The following ADCY10 variants were observed in gnomAD, a reference collection of about 807,000 sequenced individuals.
ADCY10 encodes adenylate cyclase 10.
ADCY10 carries 156 observed loss-of-function variants against 183.3 expected under a neutral mutation model. The ratio of observed to expected loss-of-function variants is 0.85; its 90% CI spans 0.75 to 0.97. The LOEUF is 0.97. ADCY10 is among the 50% of genes least tolerant of loss of function. The probability of loss-of-function intolerance (pLI) is 0.00; values close to 1 mark genes in which losing one functional copy is unlikely to be tolerated. For synonymous variants in ADCY10, 645 were observed against 670.0 expected (o/e 0.96, Z 0.58); for missense variants, 1,745 against 1,934.3 (o/e 0.90, Z 1.84).
Position 167,845,513 on chromosome 1 carries a change from T to C in ADCY10, c.3007+50A>G, listed in dbSNP as rs201389908. On this transcript the variant is annotated intron_variant, in intron 21 of 32. Transcript: ENST00000367851. Reference sequence around the variant, plus strand: ...CACCCACTCCTTCTAGATCTTAGTCTCTAGATTTCCCAAGAACAGTTAGGA... The same window carrying C: ...CACCCACTCCTTCTAGATCTTAGTCCCTAGATTTCCCAAGAACAGTTAGGA... The C allele has an allele frequency of 7.7e-5, 122 of 1,594,470 alleles. No homozygotes were observed. The East Asian group carries it at 2.7e-3, about 35-fold the overall frequency.
At chr1:167,900,786 C>A (rs902255965) in intron 5 of ADCY10, among the ~76,000 whole-genome samples, 1 of 152,190 alleles carries the variant, frequency 6.6e-6, no homozygotes, top group Non-Finnish European at 1.5e-5. Context: ...CCCACCTTGG[C>A]CTCCCAAAGT....
rs959731464 is a variant in ADCY10, at chr1:167,841,942, T to C, written c.3007+3621A>G. 2.0e-5 allele frequency among the ~76,000 whole-genome samples: 3 copies of C among 152,352 alleles called. No homozygotes were observed. In the South Asian group the frequency reaches 6.2e-4, roughly 32 times the overall value. ...ATGCTGAATGAAAGTTCAACATATC[T>C]GTAGAAGATAAAGGAGTGAGAAGAG... On this transcript the variant is annotated intron_variant, in intron 21 of 32. Transcript: ENST00000367851.
intron 8 of ADCY10, among the ~76,000 whole-genome samples, chr1:167,887,919 G>T (rs1230648618): frequency 1.3e-5 from 2 of 152,010 alleles, no homozygotes; most frequent in Admixed American, 1.3e-4. Flanking sequence ...GTAGTTTCAT[G>T]GTTTGATGTC....
intron 8 of ADCY10, 68 bp downstream of exon 8, chr1:167,893,783 TAA>T: frequency 1.9e-6 from 2 of 1,079,428 alleles, no homozygotes; most frequent in Admixed American, 3.8e-5. Context: ...TTTTTTTTCT[TAA>T]ATCTTAAAAT....
chr1:167,873,676 C>T (rs764930109), intron 13 of ADCY10, among the ~76,000 whole-genome samples: 2 of 151,952 alleles, frequency 1.3e-5, no homozygotes, highest in Non-Finnish European at 2.9e-5. Flanking sequence ...GTCCCTATCA[C>T]CAGGAATCAC....
intron 18 of ADCY10, among the ~76,000 whole-genome samples, chr1:167,849,433 A>G (rs1453672043): frequency 6.6e-6 from 1 of 152,188 alleles, no homozygotes; most frequent in Non-Finnish European, 1.5e-5. Flanking sequence ...GAATAAAACC[A>G]AGTTCCTTAT....
At chr1:167,851,312 A>T (rs1393022585) in intron 18 of ADCY10, among the ~76,000 whole-genome samples, 2 of 151,936 alleles carry the variant, frequency 1.3e-5, no homozygotes, top group African/African-American at 2.4e-5. Context: ...TCAGCCTCCC[A>T]GGTAGCTGGG....
At chr1:167,873,051 C>A (rs1571363815) in intron 13 of ADCY10, among the ~76,000 whole-genome samples, 2 of 151,522 alleles carry the variant, frequency 1.3e-5, no homozygotes, top group East Asian at 3.9e-4. Context: ...GCCTGGGCGA[C>A]AGAGTGAGAC....
At chr1:167,856,135 G>A (rs756066904) in intron 17 of ADCY10, 30 bp downstream of exon 17, 17 of 1,612,590 alleles carry the variant, frequency 1.1e-5, no homozygotes, top group South Asian at 5.5e-5. Context: ...TGCAGATGTC[G>A]AGAGTTCAGA....
chr1:167,833,249 G>A, intron 24 of ADCY10, 87 bp from the exon 25 acceptor site: 1 of 1,291,588 alleles, frequency 7.7e-7, no homozygotes. Flanking sequence ...ATATTTTGGG[G>A]ATTCTTATCA....
chr1:167,831,102 C>T (rs924579186), intron 25 of ADCY10, among the ~76,000 whole-genome samples: 1 of 152,204 alleles, frequency 6.6e-6, no homozygotes, highest in Non-Finnish European at 1.5e-5. Flanking sequence ...CAGGCGTGTC[C>T]TCAACCTTGG....
chr1:167,892,401 A>G (rs1467778495), intron 8 of ADCY10, among the ~76,000 whole-genome samples: 3 of 152,292 alleles, frequency 2.0e-5, no homozygotes, highest in East Asian at 3.9e-4. Context: ...TGGTTTTGGT[A>G]AAGTTGTAAA....
chr1:167,825,721 T>A (rs1319587135), intron 26 of ADCY10, among the ~76,000 whole-genome samples: 1 of 152,058 alleles, frequency 6.6e-6, no homozygotes, highest in East Asian at 1.9e-4. Flanking sequence ...CAGGGGAGGT[T>A]GAGGCTGCAG....
At chr1:167,835,525 AT>A (rs560426342) in intron 23 of ADCY10, among the ~76,000 whole-genome samples, 72 of 152,334 alleles carry the variant, frequency 4.7e-4, no homozygotes, top group African/African-American at 1.6e-3. Flanking sequence ...GTCTAATGGT[AT>A]GTGTAATAAT....
chr1:167,865,064 G>A (rs539501404), intron 14 of ADCY10, among the ~76,000 whole-genome samples: 9 of 152,114 alleles, frequency 5.9e-5, no homozygotes, highest in South Asian at 4.1e-4. Context: ...CATAGAAAAC[G>A]ATGTTATAAA....
intron 14 of ADCY10, among the ~76,000 whole-genome samples, chr1:167,863,534 G>C (rs922675161): frequency 5.3e-5 from 8 of 152,120 alleles, no homozygotes; most frequent in African/African-American, 9.7e-5. Flanking sequence ...TCACTATCTC[G>C]GTGTCTGAGG....
chr1:167,824,040 G>C (rs919517837), intron 28 of ADCY10, among the ~76,000 whole-genome samples: 2 of 152,246 alleles, frequency 1.3e-5, no homozygotes, highest in African/African-American at 2.4e-5. Context: ...AAAAGACAAG[G>C]CCTGGCGCAG....
chr1:167,883,578 C>T lies in ADCY10; in HGVS notation c.879G>A (p.Thr293=), dbSNP rs777970021. 5.6e-6 allele frequency: 9 copies of T among 1,614,214 alleles called. No individual in the cohort carries two copies. Among genetic ancestry groups the T allele is most frequent in the East Asian group, 4.5e-5 (2 of 44,882 alleles). The part of the protein sequence containing the change: ...QGYLSELRPV[T]IVFVNLMFED... ...CAAACATCAGGTTCACAAACACAAT[C>T]GTCACTGGGCGAAGCTCAGATAAAT... Residue 293 remains threonine, a synonymous_variant, in exon 9 of 33, where the codon ACG becomes ACA. Coordinates refer to ENST00000367851, the MANE Select transcript of ADCY10 (RefSeq NM_018417.6).
intron 31 of ADCY10, among the ~76,000 whole-genome samples, chr1:167,813,849 T>A (rs1408675154): frequency 6.6e-6 from 1 of 152,164 alleles, no homozygotes; most frequent in Non-Finnish European, 1.5e-5. Flanking sequence ...AAAATGTAAT[T>A]CTGTGACATC....
Sources: gnomAD v4.1 joint callset for allele counts (sites outside exome capture counted in the v4.1 genomes callset) on GRCh38, gnomAD v4.1.1 for gene constraint, MANE v1.5 for transcripts, NCBI Gene and HGNC (gene_info 2026-07-23, HGNC 2026-07-21) for gene names.